The following TTPAL variants were observed in gnomAD, a reference collection of about 807,000 sequenced individuals.
TTPAL encodes the protein alpha tocopherol transfer protein like.
TTPAL carries 21 observed loss-of-function variants against 28.7 expected under a neutral mutation model. The ratio of observed to expected loss-of-function variants is 0.73; its 90% CI spans 0.52 to 1.06. The LOEUF is 1.06. Among genes scored for constraint, TTPAL ranks in the 50% least tolerant of loss-of-function variants. The probability of loss-of-function intolerance (pLI) is 0.00; values close to 1 mark genes in which losing one functional copy is unlikely to be tolerated. For synonymous variants in TTPAL, 169 were observed against 171.9 expected, an observed-to-expected ratio of 0.98 and a Z score of 0.13; for missense variants, 345 against 425.5, an observed-to-expected ratio of 0.81 and a Z score of 1.67.
At chr20:44,478,684 G>A (rs1299669016) in intron 1 of TTPAL, 1 of 152,182 alleles carries the variant, frequency 6.6e-6, no homozygotes, top group Non-Finnish European at 1.5e-5. Context: ...AGTTTTGTGT[G>A]CATTCACAAG....
At chr20:44,488,469 A>G (rs2064172981) in intron 4 of TTPAL, among the ~76,000 whole-genome samples, 1 of 152,156 alleles carries the variant, frequency 6.6e-6, no homozygotes, top group African/African-American at 2.4e-5. Flanking sequence ...AACAAAACAG[A>G]CCAAAACCCC....
intron 3 of TTPAL, chr20:44,485,882 A>C (rs1332852264): frequency 2.0e-5 from 3 of 152,224 alleles, no homozygotes; most frequent in African/African-American, 7.2e-5. Context: ...GCAGTTAAGG[A>C]AACTCACTTG....
At chr20:44,483,180 TGACAGCC>T (rs2064122150) in intron 2 of TTPAL, among the ~76,000 whole-genome samples, 1 of 152,098 alleles carries the variant, frequency 6.6e-6, no homozygotes, top group Non-Finnish European at 1.5e-5. Context: ...GTGTGGCAAG[TGACAGCC>T]AACTCACGTT....
In TTPAL at chr20:44,486,744, C is replaced by T. The variant is rs542178913; in HGVS notation, c.750+38C>T. 4.0e-6 allele frequency: 5 copies of T among 1,253,856 alleles called. No individual in the cohort carries two copies. The South Asian group carries it at 6.6e-5, about 17-fold the overall frequency. 77.7% of individuals were successfully genotyped at this position (1,253,856 alleles called of 1,614,324 possible). A position where few individuals can be genotyped will look rare whatever the true frequency, so the allele number is the denominator to read the frequency against. On this transcript the variant is annotated intron_variant, in intron 4 of 4. Coordinates refer to ENST00000262605, the MANE Select transcript of TTPAL (RefSeq NM_001039199.3). ...CCTATTGACTTCAGATTTTTCTTTT[C>T]CTCTGTTGATTTATTTGTGACATCT...
At chr20:44,488,835 G>C (rs1055170300) in intron 4 of TTPAL, among the ~76,000 whole-genome samples, 10 of 152,194 alleles carry the variant, frequency 6.6e-5, no homozygotes, top group African/African-American at 1.2e-4. Flanking sequence ...GCTAGATTAT[G>C]ATGGGCCTCA....
intron 4 of TTPAL, among the ~76,000 whole-genome samples, chr20:44,488,182 G>C (rs2064170215): frequency 6.6e-6 from 1 of 152,226 alleles, no homozygotes; most frequent in African/African-American, 2.4e-5. Context: ...TGATTCATCA[G>C]CTCAGGGATC....
At chr20:44,488,458 G>A (rs1053482532) in intron 4 of TTPAL, among the ~76,000 whole-genome samples, 2 of 152,016 alleles carry the variant, frequency 1.3e-5, no homozygotes, top group African/African-American at 4.8e-5. Flanking sequence ...TGTTCTAGAT[G>A]AACAAAACAG....
chr20:44,477,315 A>G (rs920929740), intron 1 of TTPAL, among the ~76,000 whole-genome samples: 4 of 152,214 alleles, frequency 2.6e-5, no homozygotes, highest in Admixed American at 2.6e-4. Flanking sequence ...CAACCAGACT[A>G]AAGTCATTCA....
intron 2 of TTPAL, among the ~76,000 whole-genome samples, chr20:44,481,258 T>C (rs1031554824): frequency 6.6e-6 from 1 of 152,152 alleles, no homozygotes; most frequent in African/African-American, 2.4e-5. Context: ...TTAGAAATAC[T>C]CCCCTGCCAG....
chr20:44,489,456 C>G lies in TTPAL; in HGVS notation c.944C>G (p.Thr315Arg). ...VPACDSILGQTLLPEGLTSDA... is the reference protein window; with the variant it reads ...VPACDSILGQRLLPEGLTSDA... The stretch of plus-strand genomic sequence containing the variant: ...GCCTGTGACAGCATCCTGGGCCAGA[C>G]GCTGCTGCCCGAGGGCCTGACCTCA... The change falls in exon 5 of 5, where the codon ACG becomes AGG. Residue 315 changes from threonine to arginine, a missense_variant. Physicochemically the swap from Thr to Arg is moderately conservative, Grantham distance 71. Coordinates refer to ENST00000262605, the MANE Select transcript of TTPAL (RefSeq NM_001039199.3). 1 of 1,614,212 alleles carries G rather than the reference C, an allele frequency of 6.2e-7. No individual in the cohort carries two copies. The highest frequency in any genetic ancestry group is 8.5e-7 in the Non-Finnish European group (1 of 1,180,034).
At position 44,480,074 on chromosome 20, in the gene TTPAL, A is replaced by C. The variant is rs201854647; in HGVS notation, c.75A>C (p.Pro25=). The change falls in exon 2 of 5, where the codon CCA becomes CCC. Residue 25 remains proline (P), a synonymous_variant. Coordinates refer to ENST00000262605, the MANE Select transcript of TTPAL (RefSeq NM_001039199.3). The surrounding 1 kb of genome is among the most constrained non-coding windows in gnomAD (Gnocchi z 4.1). ...TCTCTGAAAATGAGCTGCCACCACCACCTGAGCCTCCGGGCTATGTGTGCT... is the reference window on the plus strand; with the variant it reads ...TCTCTGAAAATGAGCTGCCACCACCCCCTGAGCCTCCGGGCTATGTGTGCT... The part of the protein sequence containing the change: ...ASLSENELPP[P]PEPPGYVCSL... The C allele has an allele frequency of 7.4e-6, 12 of 1,614,006 alleles. No homozygotes were observed. In the African/African-American group the frequency reaches 1.3e-4, roughly 18 times the overall value.
At chr20:44,481,069 G>T (rs1320343373) in intron 2 of TTPAL, among the ~76,000 whole-genome samples, 1 of 152,172 alleles carries the variant, frequency 6.6e-6, no homozygotes, top group Non-Finnish European at 1.5e-5. Context: ...ACCTGGAAAG[G>T]TGCCTCCTCT....
chr20:44,487,398 T>C (rs1053078732), intron 4 of TTPAL, among the ~76,000 whole-genome samples: 3 of 152,124 alleles, frequency 2.0e-5, no homozygotes, highest in African/African-American at 7.2e-5. Context: ...GCTTGAACAA[T>C]GGGCTATGGT....
chr20:44,475,954 G>T lies in TTPAL; in HGVS notation c.-53G>T, dbSNP rs1340035683. 6.6e-6 allele frequency: 1 copy of T among 152,298 alleles called. No homozygotes were observed. Among genetic ancestry groups the T allele is most frequent in the East Asian group, 1.9e-4 (1 of 5,202 alleles). 9.4% of individuals were successfully genotyped at this position (152,298 alleles called of 1,614,324 possible). ...GCGTGCGCTGCCGGACGAGGCTCCC[G>T]CCGCCGATTGACCCGCGCTCCGCCC... On this transcript the variant is annotated 5_prime_UTR_variant, in exon 1 of 5. Transcript: ENST00000262605.
rs149667237 is a variant in TTPAL, at chr20:44,480,196, G to T, written c.197G>T (p.Arg66Leu). 150 of 1,614,088 alleles carry T rather than the reference G, an allele frequency of 9.3e-5. No homozygotes were observed. The African/African-American group carries it at 1.9e-3, about 21-fold the overall frequency. Residue 66 changes from arginine (R) to leucine (L), a missense_variant, in exon 2 of 5, where the codon CGG (arginine) becomes CTG (leucine). Coordinates refer to ENST00000262605, the MANE Select transcript of TTPAL (RefSeq NM_001039199.3). The surrounding 1 kb of genome is among the most constrained non-coding windows in gnomAD (Gnocchi z 4.1). ...GTGCAGGCCCTTCGTGACATGGTGC[G>T]GAAGGAGTACCCCAACCTGAGCACA... ...RDVQALRDMV[R>L]KEYPNLSTSL...
At chr20:44,487,482 C>T (rs1325164647) in intron 4 of TTPAL, among the ~76,000 whole-genome samples, 1 of 152,126 alleles carries the variant, frequency 6.6e-6, no homozygotes, top group Non-Finnish European at 1.5e-5. Flanking sequence ...AAGTTATGGT[C>T]ATTAGAACTG....
chr20:44,477,686 G>A (rs935594770), intron 1 of TTPAL, among the ~76,000 whole-genome samples: 1 of 149,904 alleles, frequency 6.7e-6, no homozygotes, highest in Admixed American at 6.7e-5. Flanking sequence ...ATAGCGTCTC[G>A]CCCTGTCGCC....
intron 3 of TTPAL, chr20:44,486,078 T>G (rs1312193060): frequency 6.6e-6 from 1 of 152,470 alleles, no homozygotes; most frequent in Non-Finnish European, 1.5e-5. Context: ...CTTCATATGT[T>G]TGCCTCTCTT....
chr20:44,488,766 G>A (rs886542325), intron 4 of TTPAL, among the ~76,000 whole-genome samples: 6 of 152,202 alleles, frequency 3.9e-5, no homozygotes, highest in East Asian at 1.9e-4. Context: ...CTAGGCTGGC[G>A]CAGCTGGGTC....
Sources: allele counts gnomAD v4.1 joint callset (sites outside exome capture counted in the v4.1 genomes callset), GRCh38; gene constraint gnomAD v4.1.1; non-coding constraint Gnocchi (gnomAD v3.1); transcripts MANE v1.5; gene names NCBI Gene and HGNC (gene_info 2026-07-23, HGNC 2026-07-21).